Variants in ATG3 observed in about 807,000 individuals in gnomAD.
ATG3 encodes autophagy related 3, also known as ubiquitin-like-conjugating enzyme ATG3.
In ATG3, 25 loss-of-function variants were observed where a neutral mutation model predicts 50.7. The observed-to-expected ratio is 0.49, with a 90% CI of 0.36 to 0.69. The LOEUF is 0.69. ATG3 is among the 30% of genes least tolerant of loss of function. The probability of loss-of-function intolerance (pLI) is 0.00; values close to 1 mark genes in which losing one functional copy is unlikely to be tolerated. For missense variants in ATG3, 281 were observed against 376.0 expected (o/e 0.75, Z 2.09); for synonymous variants, 119 against 125.5 (o/e 0.95, Z 0.34).
chr3:112,548,053 T>C (rs779045359), intron 5 of ATG3, among the ~76,000 whole-genome samples: 9 of 152,180 alleles, frequency 5.9e-5, no homozygotes, highest in Admixed American at 1.3e-4. Context: ...GCAGGTATTA[T>C]AGAAATTTGG....
intron 8 of ATG3, 71 bp downstream of exon 8, chr3:112,538,075 A>G: frequency 1.5e-6 from 2 of 1,290,916 alleles, no homozygotes; most frequent in Non-Finnish European, 2.2e-6. Context: ...AGATCAATAT[A>G]TTATTAGTAA....
chr3:112,534,184 G>GT, intron 11 of ATG3, 85 bp downstream of exon 11: 1 of 1,544,866 alleles, frequency 6.5e-7, no homozygotes, highest in Non-Finnish European at 8.7e-7. Flanking sequence ...TATAGCTACT[G>GT]TATCATTAAG....
At chr3:112,560,866 C>G (rs1933841665) in intron 1 of ATG3, among the ~76,000 whole-genome samples, 1 of 152,160 alleles carries the variant, frequency 6.6e-6, no homozygotes, top group Admixed American at 6.5e-5. Flanking sequence ...TAATAACCAG[C>G]TACGGCTATC....
intron 10 of ATG3, chr3:112,535,290 C>G (rs1348255188): frequency 6.6e-6 from 1 of 151,954 alleles, no homozygotes; most frequent in South Asian, 2.1e-4. Flanking sequence ...CTGAGGCAGC[C>G]CATGGAATGG....
At chr3:112,559,654 C>G (rs1255919468) in intron 1 of ATG3, among the ~76,000 whole-genome samples, 1 of 152,138 alleles carries the variant, frequency 6.6e-6, no homozygotes, top group African/African-American at 2.4e-5. Flanking sequence ...CTGTTAAGTG[C>G]GAAGCGCGTT....
rs1375428973 is a variant in ATG3 at position 112,561,951 on chromosome 3, T to C, written c.-423A>G. ...CCGTAGCTGCGCCGCCACCGGGGCC[T>C]CACGTGACACTAGACTCTCCCGGCA... On this transcript the variant is annotated 5_prime_UTR_variant, in exon 1 of 12. Coordinates refer to ENST00000283290, the MANE Select transcript of ATG3 (RefSeq NM_022488.5). 9.2e-6 allele frequency: 2 copies of C among 217,164 alleles called. No individual in the cohort carries two copies. The highest frequency in any genetic ancestry group is 1.8e-5 in the Non-Finnish European group (2 of 108,140). The allele number at this position is 217,164 out of a possible 1,614,324, so 13.5% of individuals were successfully genotyped here.
chr3:112,533,125 T>C (rs1214538049), intron 11 of ATG3: 1 of 998,626 alleles, frequency 1.0e-6, no homozygotes, highest in African/African-American at 1.7e-5. Context: ...TAGAGTTATG[T>C]CAGAAAATGA....
intron 3 of ATG3, among the ~76,000 whole-genome samples, chr3:112,552,537 G>A (rs1456257054): frequency 2.7e-5 from 4 of 150,204 alleles, no homozygotes; most frequent in Middle Eastern, 3.2e-3. Context: ...AACAGAAAAC[G>A]TTTATGTTTT....
At position 112,561,754 on chromosome 3, in the gene ATG3, C is replaced by A; in HGVS notation, c.-226G>T. On this transcript the variant is annotated 5_prime_UTR_variant, in exon 1 of 12. Transcript: ENST00000283290. Reference sequence around the variant, plus strand: ...GCGCGATCCTCGCACCCCAGGCAGCCCGCGACGGACCGGACCCAGCTGTCA... The same window carrying A: ...GCGCGATCCTCGCACCCCAGGCAGCACGCGACGGACCGGACCCAGCTGTCA... 1.9e-6 allele frequency: 1 copy of A among 533,618 alleles called. No individual in the cohort carries two copies. The highest frequency in any genetic ancestry group is 2.2e-5 in the South Asian group (1 of 44,454). 33.1% of individuals were successfully genotyped at this position (533,618 alleles called of 1,614,324 possible).
chr3:112,544,900 AT>A (rs1933332404), intron 5 of ATG3, among the ~76,000 whole-genome samples: 1 of 152,136 alleles, frequency 6.6e-6, no homozygotes, highest in Non-Finnish European at 1.5e-5. Context: ...TCTAATGAGC[AT>A]TTTATTTGAG....
At chr3:112,550,839 T>C (rs1396247861) in intron 3 of ATG3, among the ~76,000 whole-genome samples, 1 of 152,208 alleles carries the variant, frequency 6.6e-6, no homozygotes, top group Non-Finnish European at 1.5e-5. Flanking sequence ...GCTTATTGAG[T>C]ATAGAATTTA....
chr3:112,558,253 C>A, intron 2 of ATG3, 123 bp downstream of exon 2: 1 of 714,458 alleles, frequency 1.4e-6, no homozygotes, highest in South Asian at 2.0e-5. Context: ...AAATCACAGT[C>A]ATAAAACCTA....
At chr3:112,537,156 G>GA (rs1247376851) in intron 9 of ATG3, among the ~76,000 whole-genome samples, 15 of 151,734 alleles carry the variant, frequency 9.9e-5, no homozygotes, top group South Asian at 4.2e-4. Context: ...CCCCAATGCA[G>GA]AAAAAAAATC....
At chr3:112,545,719 C>A (rs1046306746) in intron 5 of ATG3, among the ~76,000 whole-genome samples, 1 of 152,158 alleles carries the variant, frequency 6.6e-6, no homozygotes, top group Non-Finnish European at 1.5e-5. Flanking sequence ...CATTAAAACA[C>A]TTCTAGAAGT....
At chr3:112,545,763 A>G (rs899712743) in intron 5 of ATG3, among the ~76,000 whole-genome samples, 5 of 152,200 alleles carry the variant, frequency 3.3e-5, no homozygotes, top group African/African-American at 7.2e-5. Flanking sequence ...GAAAGCTCAA[A>G]TGACTCTAAT....
In ATG3 at chr3:112,540,259, T is replaced by C. The variant is rs544363807; in HGVS notation, c.475+1544A>G. 3.3e-5 allele frequency among the ~76,000 whole-genome samples: 5 copies of C among 152,314 alleles called. No homozygotes were observed. In the South Asian group the frequency reaches 8.3e-4, roughly 25 times the overall value. On this transcript the variant is annotated intron_variant, in intron 7 of 11. Coordinates refer to ENST00000283290, the MANE Select transcript of ATG3 (RefSeq NM_022488.5). ...GTTTCATGGGGAATTGAAAGTAATT[T>C]TGAAAACAAACAGAAAGGTACTTTT...
At chr3:112,547,345 T>C (rs940089651) in intron 5 of ATG3, among the ~76,000 whole-genome samples, 4 of 152,198 alleles carry the variant, frequency 2.6e-5, no homozygotes, top group Non-Finnish European at 5.9e-5. Flanking sequence ...GAAAAACATA[T>C]TTAGTATCAT....
intron 10 of ATG3, chr3:112,534,994 G>A (rs1351899758): frequency 2.6e-5 from 4 of 151,814 alleles, no homozygotes; most frequent in East Asian, 1.9e-4. Context: ...TAAATTTTTT[G>A]GCTTATAAGA....
intron 5 of ATG3, among the ~76,000 whole-genome samples, chr3:112,546,365 T>C (rs1933369896): frequency 6.6e-6 from 1 of 152,198 alleles, no homozygotes; most frequent in African/African-American, 2.4e-5. Flanking sequence ...CTGGGTAGCA[T>C]ATACAGCATG....
Sources: gnomAD v4.1 joint callset for allele counts (sites outside exome capture counted in the v4.1 genomes callset) on GRCh38, gnomAD v4.1.1 for gene constraint, MANE v1.5 for transcripts, NCBI Gene and HGNC (gene_info 2026-07-23, HGNC 2026-07-21) for gene names.